ERC1: variants seen among roughly 807,000 people sequenced by gnomAD.
ERC1 encodes RAB6 interacting protein 2.
ERC1 carries 56 observed loss-of-function variants against 132.0 expected under a neutral mutation model. The ratio of observed to expected loss-of-function variants is 0.42; its 90% CI spans 0.34 to 0.53. The LOEUF (loss-of-function observed/expected upper bound fraction) is 0.53. Ranked by LOEUF, ERC1 falls within the 20% of genes least tolerant of loss-of-function variation. The pLI is 0.03. For synonymous variants in ERC1, 478 were observed against 476.1 expected (o/e 1.00, Z -0.05); for missense variants, 1,202 against 1,349.9 (o/e 0.89, Z 1.72).
intron 1 of ERC1, among the ~76,000 whole-genome samples, chr12:997,421 G>A (rs555684055): frequency 1.3e-5 from 2 of 152,346 alleles, no homozygotes; most frequent in South Asian, 4.1e-4. Flanking sequence ...TGAATGAATG[G>A]ATGCTAGCAT....
intron 18 of ERC1, among the ~76,000 whole-genome samples, chr12:1,462,192 C>T (rs1196895299): frequency 1.3e-5 from 2 of 152,110 alleles, no homozygotes; most frequent in Admixed American, 6.6e-5. Flanking sequence ...ACTGACAGTA[C>T]CAAATGCTCG....
chr12:1,448,875 C>T (rs1420786807), intron 18 of ERC1, among the ~76,000 whole-genome samples: 4 of 152,236 alleles, frequency 2.6e-5, no homozygotes, highest in African/African-American at 7.2e-5. Context: ...TTGCACCTTG[C>T]GCCGGGAAAA....
At chr12:1,472,951 G>A (rs1447005168) in intron 18 of ERC1, among the ~76,000 whole-genome samples, 1 of 152,218 alleles carries the variant, frequency 6.6e-6, no homozygotes, top group African/African-American at 2.4e-5. Flanking sequence ...GGAGATGACT[G>A]TGAACTATCA....
At chr12:1,440,579 C>A (rs1424144185) in intron 17 of ERC1, among the ~76,000 whole-genome samples, 1 of 141,744 alleles carries the variant, frequency 7.1e-6, no homozygotes, top group Non-Finnish European at 1.5e-5. Flanking sequence ...TGGCCTTAAG[C>A]AATCCCCCTG....
At chr12:1,159,803 C>T (rs1367830020) in intron 8 of ERC1, among the ~76,000 whole-genome samples, 1 of 152,048 alleles carries the variant, frequency 6.6e-6, no homozygotes, top group Non-Finnish European at 1.5e-5. Context: ...GATTCATGTT[C>T]CGTTCACGGC....
chr12:1,290,951 G>T (rs2079408515), intron 15 of ERC1, among the ~76,000 whole-genome samples: 1 of 152,072 alleles, frequency 6.6e-6, no homozygotes, highest in Non-Finnish European at 1.5e-5. Context: ...CTTCTTCTCT[G>T]CATAAATGCA....
intron 16 of ERC1, among the ~76,000 whole-genome samples, chr12:1,373,783 GAAA>G (rs1284920655): frequency 1.7e-5 from 2 of 120,616 alleles, no homozygotes; most frequent in Non-Finnish European, 3.4e-5. Context: ...CGTCTCAAAA[GAAA>G]AAGAAGAAAA....
At chr12:1,302,078 T>G (rs376327294) in intron 15 of ERC1, among the ~76,000 whole-genome samples, 1 of 152,190 alleles carries the variant, frequency 6.6e-6, no homozygotes, top group African/African-American at 2.4e-5. Flanking sequence ...GTGTCACTCA[T>G]GAACATTGAC....
Position 1,115,937 on chromosome 12 carries a change from A to G in ERC1, c.1473A>G (p.Thr491=), listed in dbSNP as rs750094852. ...ELLALQTKLE[T]LTNQFSDSKQ... is the part of the protein sequence containing the mutation. ...TCGCCCTGCAGACAAAGCTAGAAAC[A>G]CTCACAAACCAGTTCTCAGATAGTA... The change falls in exon 7 of 19, where the codon ACA becomes ACG. Residue 491 remains threonine (T), a synonymous_variant. Coordinates refer to ENST00000360905, the MANE Select transcript of ERC1 (RefSeq NM_178040.4). The G allele has an allele frequency of 6.2e-7, 1 of 1,614,164 alleles. No homozygotes were observed. The highest frequency in any genetic ancestry group is 8.5e-7 in the Non-Finnish European group (1 of 1,179,994).
intron 2 of ERC1, among the ~76,000 whole-genome samples, chr12:1,078,232 G>T (rs530816296): frequency 1.1e-4 from 17 of 152,166 alleles, no homozygotes; most frequent in Admixed American, 5.2e-4. Context: ...TTCACTTCTG[G>T]TATTTCCCTT....
chr12:1,264,434 G>A (rs547034182), intron 14 of ERC1, among the ~76,000 whole-genome samples: 39 of 152,034 alleles, frequency 2.6e-4, no homozygotes, highest in Admixed American at 4.6e-4. Context: ...AGGCCGAGGC[G>A]GGCGGATCAC....
intron 15 of ERC1, among the ~76,000 whole-genome samples, chr12:1,323,909 T>G (rs186318252): frequency 1.7e-4 from 26 of 152,330 alleles, no homozygotes; most frequent in Admixed American, 1.5e-3. Flanking sequence ...TACCGGAATT[T>G]CGCCTCTGCT....
chr12:1,495,041 C>T lies in ERC1; in HGVS notation c.*4811C>T, dbSNP rs1448827020. The T allele has an allele frequency of 4.4e-6, 1 of 229,054 alleles. No individual in the cohort carries two copies. The highest frequency in any genetic ancestry group is 2.2e-5 in the African/African-American group (1 of 45,106). 14.2% of individuals were successfully genotyped at this position (229,054 alleles called of 1,614,324 possible). A position where few individuals can be genotyped will look rare whatever the true frequency, so the allele number is the denominator to read the frequency against. ...GCCTCGCAGTTGTGCCAGGATTTTCCTATACATGTTCAGGACCTCTGGGTA... is the reference window on the plus strand; with the variant it reads ...GCCTCGCAGTTGTGCCAGGATTTTCTTATACATGTTCAGGACCTCTGGGTA... On this transcript the variant is annotated 3_prime_UTR_variant, in exon 19 of 19. Coordinates refer to ENST00000360905, the MANE Select transcript of ERC1 (RefSeq NM_178040.4).
At chr12:1,432,331 G>A (rs577976066) in intron 17 of ERC1, among the ~76,000 whole-genome samples, 1 of 152,210 alleles carries the variant, frequency 6.6e-6, no homozygotes, top group Non-Finnish European at 1.5e-5. Context: ...TGGGCTGTAC[G>A]AAGAAGGCGG....
chr12:1,324,178 A>G, intron 15 of ERC1, among the ~76,000 whole-genome samples: 1 of 152,204 alleles, frequency 6.6e-6, no homozygotes, highest in Non-Finnish European at 1.5e-5. Flanking sequence ...TTTAAAACGT[A>G]TCCGTCTATT....
intron 8 of ERC1, among the ~76,000 whole-genome samples, chr12:1,144,504 T>C (rs1213413422): frequency 6.6e-6 from 1 of 151,868 alleles, no homozygotes; most frequent in Non-Finnish European, 1.5e-5. Context: ...ATGCAATGTT[T>C]GGTTTTCCAT....
rs536463134 is a variant in ERC1 at position 1,175,766 on chromosome 12, C to G, written c.1738-4774C>G. ...GCCAGGCTGGTCTTGAACTCCTGACCTCAAGTGATCTGCCTGCCTCGGCCT... is the reference window on the plus strand; with the variant it reads ...GCCAGGCTGGTCTTGAACTCCTGACGTCAAGTGATCTGCCTGCCTCGGCCT... On this transcript the variant is annotated intron_variant, in intron 8 of 18. Transcript: ENST00000360905. 4.6e-5 allele frequency among the ~76,000 whole-genome samples: 7 copies of G among 152,214 alleles called. No individual in the cohort carries two copies. The East Asian group carries it at 1.2e-3, about 25-fold the overall frequency.
chr12:1,149,305 T>C (rs2154253485), intron 8 of ERC1, among the ~76,000 whole-genome samples: 1 of 152,322 alleles, frequency 6.6e-6, no homozygotes, highest in South Asian at 2.1e-4. Flanking sequence ...AGTTTTACTG[T>C]TTAAACTTTT....
At chr12:1,133,943 T>G (rs977845561) in intron 7 of ERC1, among the ~76,000 whole-genome samples, 1 of 152,192 alleles carries the variant, frequency 6.6e-6, no homozygotes, top group African/African-American at 2.4e-5. Flanking sequence ...ACTGAATGCT[T>G]TTTGTCCTTG....
Sources: allele counts gnomAD v4.1 joint callset (sites outside exome capture counted in the v4.1 genomes callset), GRCh38; gene constraint gnomAD v4.1.1; transcripts MANE v1.5; gene names NCBI Gene and HGNC (gene_info 2026-07-23, HGNC 2026-07-21).